The following FMN2 variants were observed in gnomAD, a reference collection of about 807,000 sequenced individuals.
FMN2 encodes the protein formin 2.
A neutral mutation model predicts 142.3 loss-of-function variants in FMN2; 51 were observed. That is an observed-to-expected ratio of 0.36 (90% confidence interval 0.29 to 0.45). The LOEUF (loss-of-function observed/expected upper bound fraction) is 0.45. Among genes scored for constraint, FMN2 ranks in the 20% least tolerant of loss-of-function variants. The pLI is 1.00. For missense variants in FMN2, 1,936 were observed against 2,122.8 expected (o/e 0.91, Z 1.73); for synonymous variants, 882 against 869.8 (o/e 1.01, Z -0.25).
At chr1:240,205,228 A>G (rs547529289) in intron 4 of FMN2, among the ~76,000 whole-genome samples, 14 of 152,096 alleles carry the variant, frequency 9.2e-5, no homozygotes, top group Non-Finnish European at 1.6e-4. Context: ...AGTTCTCAAC[A>G]CAAGAAGTCT....
chr1:240,381,088 A>C (rs1293249082), intron 14 of FMN2, among the ~76,000 whole-genome samples: 1 of 152,168 alleles, frequency 6.6e-6, no homozygotes, highest in East Asian at 1.9e-4. Context: ...AGATATACAA[A>C]GAGTTGGAAC....
At chr1:240,336,592 A>T (rs2103023262) in intron 13 of FMN2, among the ~76,000 whole-genome samples, 1 of 142,476 alleles carries the variant, frequency 7.0e-6, no homozygotes, top group Non-Finnish European at 1.5e-5. Flanking sequence ...AGGTGGTTGC[A>T]ATTGTTTTCC....
intron 6 of FMN2, 71 bp downstream of exon 6, chr1:240,211,306 CT>C: frequency 6.7e-7 from 1 of 1,488,098 alleles, no homozygotes; most frequent in Non-Finnish European, 9.2e-7. Context: ...TTAGAGAAAA[CT>C]TTGAAATAGT....
chr1:240,098,162 C>T lies in FMN2; in HGVS notation c.1615+4438C>T, dbSNP rs569295694. ...TGTCGCCAAGGCTGGAATGAAGTGG[C>T]GTGATCTTGGCTCACTGCAACCTCC... On this transcript the variant is annotated intron_variant, in intron 1 of 17. Coordinates refer to ENST00000319653, the MANE Select transcript of FMN2 (RefSeq NM_020066.5). 1.7e-3 allele frequency among the ~76,000 whole-genome samples: 232 copies of T among 138,252 alleles called. 1 individual carries two copies. Among genetic ancestry groups the T allele is most frequent in the Non-Finnish European group, 2.0e-3 (131 of 66,584 alleles). 90.7% of individuals were successfully genotyped at this position (138,252 alleles called of 152,430 possible).
chr1:240,465,833 T>C (rs181724487), intron 16 of FMN2, among the ~76,000 whole-genome samples: 94 of 152,354 alleles, frequency 6.2e-4, no homozygotes, highest in Non-Finnish European at 1.1e-3. Context: ...AGATATTCTG[T>C]CTGCAGAGCG....
At chr1:240,318,615 T>A (rs1426961606) in intron 8 of FMN2, among the ~76,000 whole-genome samples, 1 of 152,196 alleles carries the variant, frequency 6.6e-6, no homozygotes, top group Non-Finnish European at 1.5e-5. Context: ...TGTCCAGGTA[T>A]TATTCTAAAA....
intron 15 of FMN2, among the ~76,000 whole-genome samples, chr1:240,410,055 G>A (rs919548957): frequency 1.3e-5 from 2 of 151,852 alleles, no homozygotes; most frequent in African/African-American, 4.8e-5. Context: ...GGTATAATAA[G>A]CTGAACATTT....
intron 14 of FMN2, among the ~76,000 whole-genome samples, chr1:240,370,273 G>A (rs1672819747): frequency 6.6e-6 from 1 of 151,696 alleles, no homozygotes; most frequent in Non-Finnish European, 1.5e-5. Context: ...TCTTTGTTCT[G>A]AAACTTTTTG....
intron 15 of FMN2, among the ~76,000 whole-genome samples, chr1:240,395,677 G>A (rs1428993063): frequency 9.9e-5 from 15 of 152,178 alleles, no homozygotes; most frequent in Admixed American, 3.3e-4. Flanking sequence ...GGTAGAGTCT[G>A]AAGATGTGAC....
intron 7 of FMN2, among the ~76,000 whole-genome samples, chr1:240,279,763 TA>T (rs1669336572): frequency 7.5e-6 from 1 of 133,450 alleles, no homozygotes; most frequent in Admixed American, 7.2e-5. Flanking sequence ...AACATTAAAG[TA>T]ATTTTTACAC....
intron 13 of FMN2, among the ~76,000 whole-genome samples, chr1:240,340,486 C>T (rs899795523): frequency 1.3e-5 from 2 of 152,090 alleles, no homozygotes; most frequent in Non-Finnish European, 2.9e-5. Flanking sequence ...GAGGCTGAGG[C>T]AGGAGAATTG....
chr1:240,473,234 A>C lies in FMN2; in HGVS notation c.5142+781A>C, dbSNP rs542929902. 9.2e-5 allele frequency among the ~76,000 whole-genome samples: 14 copies of C among 152,130 alleles called. No homozygotes were observed. Among genetic ancestry groups the C allele is most frequent in the Non-Finnish European group, 1.8e-4 (12 of 68,024 alleles). ...ATGGCTCGGCAGAGTTGGCTGCCGG[A>C]GAGTGGTCAGTCCAGAGACGGAGTT... On this transcript the variant is annotated intron_variant, in intron 17 of 17. Transcript: ENST00000319653. The surrounding 1 kb of genome is among the most constrained non-coding windows in gnomAD (Gnocchi z 4.3).
At chr1:240,314,456 C>A (rs1036147412) in intron 8 of FMN2, among the ~76,000 whole-genome samples, 1 of 151,922 alleles carries the variant, frequency 6.6e-6, no homozygotes, top group African/African-American at 2.4e-5. Flanking sequence ...TATGTACTGA[C>A]CTGAAATGAA....
intron 13 of FMN2, among the ~76,000 whole-genome samples, chr1:240,351,690 G>C (rs548142606): frequency 6.6e-6 from 1 of 152,122 alleles, no homozygotes; most frequent in Non-Finnish European, 1.5e-5. Flanking sequence ...TAAAAATGAA[G>C]ACCCAGAGGA....
chr1:240,410,350 G>A (rs16839933), intron 15 of FMN2, among the ~76,000 whole-genome samples: 6,003 of 152,150 alleles, frequency 0.039, 403 homozygotes, highest in African/African-American at 0.14. Context: ...TGGATCTAAC[G>A]ATCTGAAAAA....
chr1:240,312,444 C>T (rs77508651), intron 8 of FMN2, among the ~76,000 whole-genome samples: 355 of 152,270 alleles, frequency 2.3e-3, no homozygotes, highest in Non-Finnish European at 4.2e-3. Flanking sequence ...AGACATTGTA[C>T]GCATATTCAC....
chr1:240,372,689 C>T (rs1040379703), intron 14 of FMN2, among the ~76,000 whole-genome samples: 1 of 148,988 alleles, frequency 6.7e-6, no homozygotes, highest in African/African-American at 2.5e-5. Context: ...TACAGGCATC[C>T]CTGGGAGATA....
intron 16 of FMN2, among the ~76,000 whole-genome samples, chr1:240,463,714 G>T (rs1237328661): frequency 6.6e-6 from 1 of 152,072 alleles, no homozygotes; most frequent in African/African-American, 2.4e-5. Flanking sequence ...AAGAATTAGG[G>T]ACCAGTGGCC....
At chr1:240,419,635 A>AGAT (rs1360845671) in intron 15 of FMN2, among the ~76,000 whole-genome samples, 1 of 152,192 alleles carries the variant, frequency 6.6e-6, no homozygotes, top group Admixed American at 6.5e-5. Flanking sequence ...CCCTCGAGAC[A>AGAT]TCTGAGTATT....
Sources: allele counts gnomAD v4.1 joint callset (sites outside exome capture counted in the v4.1 genomes callset), GRCh38; gene constraint gnomAD v4.1.1; non-coding constraint Gnocchi (gnomAD v3.1); transcripts MANE v1.5; gene names NCBI Gene and HGNC (gene_info 2026-07-23, HGNC 2026-07-21).